Variants in ZNF407 observed in about 807,000 individuals in gnomAD.
ZNF407 encodes zinc finger protein 407.
ZNF407 carries 17 observed loss-of-function variants against 131.2 expected under a neutral mutation model. The observed-to-expected ratio is 0.13, with a 90% CI of 0.09 to 0.19. The LOEUF (loss-of-function observed/expected upper bound fraction) is 0.19. Among genes scored for constraint, ZNF407 ranks in the 10% least tolerant of loss-of-function variants. The pLI is 1.00. For missense variants in ZNF407, 2,681 were observed against 2,830.6 expected (o/e 0.95, Z 1.20); for synonymous variants, 1,156 against 1,062.0 (o/e 1.09, Z -1.72).
intron 3 of ZNF407, among the ~76,000 whole-genome samples, chr18:74,707,094 T>G (rs1299644): frequency 0.99 from 150,190 of 152,112 alleles, 74,174 homozygotes; most frequent in Middle Eastern, 1. Flanking sequence ...TGGATTACAG[T>G]TATACGATAC....
At chr18:74,963,408 G>A (rs978822025) in intron 8 of ZNF407, among the ~76,000 whole-genome samples, 5 of 152,076 alleles carry the variant, frequency 3.3e-5, no homozygotes, top group Non-Finnish European at 5.9e-5. Flanking sequence ...GCAGGTTATC[G>A]GGTGGTAATA....
intron 3 of ZNF407, among the ~76,000 whole-genome samples, chr18:74,772,789 G>T (rs561956761): frequency 6.6e-6 from 1 of 152,100 alleles, no homozygotes; most frequent in East Asian, 1.9e-4. Flanking sequence ...GTGTCACGGG[G>T]GTATGTGGAG....
intron 8 of ZNF407, among the ~76,000 whole-genome samples, chr18:75,045,181 G>A (rs78413787): frequency 0.01 from 1,561 of 152,156 alleles, 35 homozygotes; most frequent in African/African-American, 0.035. Flanking sequence ...GTATGTGCAT[G>A]CACACGTGTA....
At chr18:74,981,726 G>A (rs1456157523) in intron 8 of ZNF407, among the ~76,000 whole-genome samples, 3 of 152,184 alleles carry the variant, frequency 2.0e-5, no homozygotes, top group African/African-American at 4.8e-5. Context: ...AGACCCAAGC[G>A]TTGATCTCTG....
Position 74,633,182 on chromosome 18 carries a change from G to A in ZNF407, c.2163G>A (p.Thr721=), listed in dbSNP as rs778443840. The A allele has an allele frequency of 2.5e-6, 4 of 1,613,588 alleles. No individual in the cohort carries two copies. Among genetic ancestry groups the A allele is most frequent in the Non-Finnish European group, 3.4e-6 (4 of 1,179,748 alleles). Residue 721 remains threonine, a synonymous_variant, in exon 2 of 9, where the codon ACG becomes ACA. Coordinates refer to ENST00000299687, the MANE Select transcript of ZNF407 (RefSeq NM_017757.3). ...AAACAAGATCTTCTACTGTTCTCAC[G>A]AGACATATAAAGCTTCGGCATGGTC... The part of the protein sequence containing the change: ...FYKTRSSTVL[T]RHIKLRHGQD...
At chr18:74,942,709 C>T (rs1487384793) in intron 8 of ZNF407, among the ~76,000 whole-genome samples, 1 of 152,130 alleles carries the variant, frequency 6.6e-6, no homozygotes, top group Non-Finnish European at 1.5e-5. Flanking sequence ...ATCTGGGGCG[C>T]TTCCTCTCCA....
chr18:74,941,825 G>T (rs17055991), intron 8 of ZNF407, among the ~76,000 whole-genome samples: 1 of 152,144 alleles, frequency 6.6e-6, no homozygotes, highest in Non-Finnish European at 1.5e-5. Flanking sequence ...GATGTTATTC[G>T]TTGAGGATTG....
chr18:74,731,367 A>G (rs569139610), intron 3 of ZNF407, among the ~76,000 whole-genome samples: 1 of 152,302 alleles, frequency 6.6e-6, no homozygotes, highest in South Asian at 2.1e-4. Flanking sequence ...TGATCTGATA[A>G]TCCTGTGGGT....
chr18:74,963,430 T>C (rs75923826), intron 8 of ZNF407, among the ~76,000 whole-genome samples: 5,499 of 152,294 alleles, frequency 0.036, 323 homozygotes, highest in African/African-American at 0.12. Context: ...TTTCAGAGCA[T>C]CATGTTAGTA....
chr18:74,873,834 C>T (rs2145176008), intron 4 of ZNF407, among the ~76,000 whole-genome samples: 1 of 152,260 alleles, frequency 6.6e-6, no homozygotes, highest in Middle Eastern at 3.4e-3. Context: ...ACAGACATCT[C>T]AGTGCCAGGA....
chr18:74,620,446 G>A (rs878970409), intron 1 of ZNF407, among the ~76,000 whole-genome samples: 126,932 of 151,972 alleles, frequency 0.84, 53,269 homozygotes, highest in Middle Eastern at 0.9. Flanking sequence ...ATGGACTTCT[G>A]GTGATTGTTT....
intron 4 of ZNF407, among the ~76,000 whole-genome samples, chr18:74,834,446 G>A (rs182333103): frequency 1.9e-3 from 295 of 152,304 alleles, no homozygotes; most frequent in Admixed American, 5.1e-3. Flanking sequence ...GGACAATTTA[G>A]TATAGACATC....
intron 4 of ZNF407, 56 bp from the exon 5 acceptor site, chr18:74,877,141 C>A: frequency 6.5e-7 from 1 of 1,536,878 alleles, no homozygotes; most frequent in Non-Finnish European, 9.0e-7. Context: ...CTGCCTGGGG[C>A]CTTCGGTGCT....
At chr18:75,040,269 T>C (rs909255759) in intron 8 of ZNF407, among the ~76,000 whole-genome samples, 1 of 152,190 alleles carries the variant, frequency 6.6e-6, no homozygotes, top group Non-Finnish European at 1.5e-5. Context: ...GAGCCTAAAG[T>C]CCAGGCTGAA....
intron 3 of ZNF407, among the ~76,000 whole-genome samples, chr18:74,682,704 T>G (rs996702133): frequency 6.6e-6 from 1 of 152,262 alleles, no homozygotes; most frequent in African/African-American, 2.4e-5. Context: ...ATGGCTGTGC[T>G]GTTTTTCTAT....
Position 74,854,989 on chromosome 18 carries a change from A to G in ZNF407, c.4878-22208A>G, listed in dbSNP as rs147514563. Among the ~76,000 whole-genome samples the G allele has an allele frequency of 3.3e-5, 5 of 152,336 alleles. 1 individual carries two copies. The highest frequency in any genetic ancestry group is 6.5e-5 in the Admixed American group (1 of 15,304). On this transcript the variant is annotated intron_variant, in intron 4 of 8. Transcript: ENST00000299687. ...AGGCATTTTTATTCTCAATCTATAT[A>G]TAGTTTTCAATTTCCAGTCTTTAGA...
At chr18:74,733,132 G>T (rs966236332) in intron 3 of ZNF407, among the ~76,000 whole-genome samples, 1 of 151,792 alleles carries the variant, frequency 6.6e-6, no homozygotes, top group Admixed American at 6.6e-5. Context: ...TTTTTTTCAA[G>T]ATATAATAAG....
chr18:74,717,948 T>G (rs1009609601), intron 3 of ZNF407, among the ~76,000 whole-genome samples: 2 of 151,990 alleles, frequency 1.3e-5, no homozygotes, highest in East Asian at 3.9e-4. Flanking sequence ...TATTTGCAAA[T>G]TTTTTCTCAT....
intron 7 of ZNF407, among the ~76,000 whole-genome samples, chr18:74,897,001 G>GT (rs1316518817): frequency 6.6e-6 from 1 of 151,946 alleles, no homozygotes; most frequent in Non-Finnish European, 1.5e-5. Context: ...TTTGTATAAT[G>GT]TTTTTTATCT....
Sources: gnomAD v4.1 joint callset for allele counts (sites outside exome capture counted in the v4.1 genomes callset) on GRCh38, gnomAD v4.1.1 for gene constraint, MANE v1.5 for transcripts, NCBI Gene and HGNC (gene_info 2026-07-23, HGNC 2026-07-21) for gene names.